The following CNTNAP4 variants were observed in gnomAD, a reference collection of about 807,000 sequenced individuals.
CNTNAP4 encodes contactin-associated protein-like 4.
Under a neutral mutation model 148.4 loss-of-function variants are expected in CNTNAP4, and 98 were observed. The observed-to-expected ratio is 0.66, with a 90% CI of 0.56 to 0.78. The LOEUF is 0.78. CNTNAP4 is among the 30% of genes least tolerant of loss of function. The pLI, the probability that CNTNAP4 is intolerant of heterozygous loss-of-function variation, is 0.00. For missense variants in CNTNAP4, 1,935 were observed against 1,565.6 expected (o/e 1.24, Z -3.98); for synonymous variants, 730 against 565.1 (o/e 1.29, Z -4.14).
At position 76,490,194 on chromosome 16, in the gene CNTNAP4, C is replaced by G. The variant is rs185047922; in HGVS notation, c.2080+311C>G. 1.4e-4 allele frequency among the ~76,000 whole-genome samples: 21 copies of G among 152,306 alleles called. No homozygotes were observed. In the East Asian group the frequency reaches 4.1e-3, roughly 29 times the overall value. Reference sequence around the variant, plus strand: ...CTCAGTGAATGCACAGTGTTTATCCCTGATAAAGGGCAAGTGACACATAAG... The same window carrying G: ...CTCAGTGAATGCACAGTGTTTATCCGTGATAAAGGGCAAGTGACACATAAG... On this transcript the variant is annotated intron_variant, in intron 13 of 23. Transcript: ENST00000611870.
chr16:76,362,651 G>T (rs1234086731), intron 3 of CNTNAP4, among the ~76,000 whole-genome samples: 1 of 152,102 alleles, frequency 6.6e-6, no homozygotes, highest in African/African-American at 2.4e-5. Context: ...AACAAACAAA[G>T]GAACAGAAAA....
At chr16:76,502,787 G>A (rs1254439406) in intron 15 of CNTNAP4, among the ~76,000 whole-genome samples, 2 of 151,820 alleles carry the variant, frequency 1.3e-5, no homozygotes, top group East Asian at 1.9e-4. Context: ...CATTGAGACA[G>A]GAGATTAACA....
At chr16:76,337,090 G>A (rs1274149169) in intron 2 of CNTNAP4, among the ~76,000 whole-genome samples, 4 of 152,162 alleles carry the variant, frequency 2.6e-5, no homozygotes, top group African/African-American at 9.7e-5. Flanking sequence ...AATATTAGTA[G>A]TGATCTTAAA....
intron 1 of CNTNAP4, among the ~76,000 whole-genome samples, chr16:76,296,289 T>C (rs1959288955): frequency 6.6e-6 from 1 of 152,160 alleles, no homozygotes; most frequent in Non-Finnish European, 1.5e-5. Flanking sequence ...CATTATAATG[T>C]TTTCCTGCCT....
chr16:76,419,924 C>T (rs1473958796), intron 3 of CNTNAP4, among the ~76,000 whole-genome samples: 1 of 152,042 alleles, frequency 6.6e-6, no homozygotes, highest in Admixed American at 6.6e-5. Context: ...GAAGGCCCCA[C>T]CTCATGACCT....
At chr16:76,403,967 T>C (rs2078509850) in intron 3 of CNTNAP4, among the ~76,000 whole-genome samples, 2 of 152,272 alleles carry the variant, frequency 1.3e-5, no homozygotes, top group South Asian at 4.1e-4. Flanking sequence ...AAATACCATA[T>C]GTTCTTATAA....
At chr16:76,350,579 C>A (rs150749087) in intron 2 of CNTNAP4, among the ~76,000 whole-genome samples, 5 of 152,096 alleles carry the variant, frequency 3.3e-5, no homozygotes, top group African/African-American at 1.2e-4. Context: ...CTGTGTTTTG[C>A]GGTCAATCAG....
At chr16:76,548,132 C>T (rs1012099415) in intron 21 of CNTNAP4, among the ~76,000 whole-genome samples, 1 of 152,086 alleles carries the variant, frequency 6.6e-6, no homozygotes, top group African/African-American at 2.4e-5. Context: ...CAAACAAATA[C>T]CTTTTATGAT....
At chr16:76,490,004 A>C in intron 13 of CNTNAP4, 121 bp downstream of exon 13, 74 of 501,488 alleles carry the variant, frequency 1.5e-4, no homozygotes, top group Non-Finnish European at 2.1e-4. Context: ...ATATGATCTC[A>C]CATACTTAGT....
At chr16:76,378,300 A>T (rs1414029511) in intron 3 of CNTNAP4, among the ~76,000 whole-genome samples, 8 of 152,352 alleles carry the variant, frequency 5.3e-5, no homozygotes, top group African/African-American at 1.9e-4. Flanking sequence ...ATAAAAAAAT[A>T]TAATGAGGAC....
intron 2 of CNTNAP4, among the ~76,000 whole-genome samples, chr16:76,345,456 T>C (rs62049729): frequency 0.057 from 8,630 of 152,260 alleles, 352 homozygotes; most frequent in Middle Eastern, 0.088. Flanking sequence ...TTCAAAAGTA[T>C]TGTGACAGAG....
intron 1 of CNTNAP4, among the ~76,000 whole-genome samples, chr16:76,289,795 T>A (rs1959039369): frequency 6.6e-6 from 1 of 152,092 alleles, no homozygotes; most frequent in Admixed American, 6.5e-5. Context: ...GGTCTTGAAC[T>A]GCTGGACTCA....
In CNTNAP4 at chr16:76,293,253, T is replaced by C. The variant is rs557047606; in HGVS notation, c.85+15506T>C. Among the ~76,000 whole-genome samples, 5 of 152,172 alleles carry C rather than the reference T, an allele frequency of 3.3e-5. No individual in the cohort carries two copies. In the East Asian group the frequency reaches 9.7e-4, roughly 29 times the overall value. ...GATTCTCCTGCCTCAGCCTCCTGAG[T>C]AGCTGAGACTACAGGCATGTGCCAT... is the stretch of plus-strand genomic sequence containing the variant. On this transcript the variant is annotated intron_variant, in intron 1 of 23. Coordinates refer to ENST00000611870, the MANE Select transcript of CNTNAP4 (RefSeq NM_033401.5).
chr16:76,391,420 T>G (rs1319656847), intron 3 of CNTNAP4, among the ~76,000 whole-genome samples: 1 of 152,232 alleles, frequency 6.6e-6, no homozygotes, highest in East Asian at 1.9e-4. Context: ...TAACGTTTCT[T>G]TTTTTGGAAT....
intron 3 of CNTNAP4, among the ~76,000 whole-genome samples, chr16:76,371,932 G>T (rs529297878): frequency 2.3e-4 from 35 of 152,218 alleles, no homozygotes; most frequent in African/African-American, 7.5e-4. Context: ...GTCCACTTTT[G>T]CCCCTCACTT....
At chr16:76,428,551 A>G (rs899126810) in intron 4 of CNTNAP4, among the ~76,000 whole-genome samples, 14 of 152,106 alleles carry the variant, frequency 9.2e-5, no homozygotes, top group African/African-American at 2.9e-4. Context: ...AGCAGGTGAT[A>G]AAGAGATCAA....
intron 21 of CNTNAP4, among the ~76,000 whole-genome samples, chr16:76,546,242 C>G (rs926833112): frequency 6.6e-6 from 1 of 152,134 alleles, no homozygotes; most frequent in African/African-American, 2.4e-5. Context: ...GGAGATACTG[C>G]AAGATCAGTA....
At chr16:76,480,132 A>G (rs906974422) in intron 12 of CNTNAP4, among the ~76,000 whole-genome samples, 2 of 152,182 alleles carry the variant, frequency 1.3e-5, no homozygotes, top group African/African-American at 4.8e-5. Flanking sequence ...AGTGCAATAA[A>G]ACAAGAGAAA....
intron 2 of CNTNAP4, among the ~76,000 whole-genome samples, chr16:76,322,633 G>T (rs1962542814): frequency 6.6e-6 from 1 of 152,118 alleles, no homozygotes. Context: ...GAAAATGATT[G>T]TGGCACTGTG....
Sources: allele counts gnomAD v4.1 joint callset (sites outside exome capture counted in the v4.1 genomes callset), GRCh38; gene constraint gnomAD v4.1.1; transcripts MANE v1.5; gene names NCBI Gene and HGNC (gene_info 2026-07-23, HGNC 2026-07-21).